SNX4: variants seen among roughly 807,000 people sequenced by gnomAD.
The protein encoded by SNX4 is sorting nexin-4.
In SNX4, 49 loss-of-function variants were observed where a neutral mutation model predicts 70.8. The observed-to-expected ratio is 0.69, with a 90% CI of 0.55 to 0.88. The LOEUF is 0.88. Among genes scored for constraint, SNX4 ranks in the 40% least tolerant of loss-of-function variants. The pLI is 0.00. For missense variants in SNX4, 528 were observed against 544.8 expected, an observed-to-expected ratio of 0.97 and a Z score of 0.31; for synonymous variants, 206 against 183.8, an observed-to-expected ratio of 1.12 and a Z score of -0.98.
intron 2 of SNX4, among the ~76,000 whole-genome samples, chr3:125,501,558 T>TG (rs1934932449): frequency 1.3e-5 from 2 of 151,670 alleles, no homozygotes; most frequent in Non-Finnish European, 1.5e-5. Flanking sequence ...AAGAGGAGGT[T>TG]GCAGTGAGTC....
intron 6 of SNX4, among the ~76,000 whole-genome samples, chr3:125,488,827 C>T (rs924049208): frequency 6.6e-6 from 1 of 152,130 alleles, no homozygotes; most frequent in African/African-American, 2.4e-5. Flanking sequence ...AGTAAAGGTC[C>T]ATATAATGTA....
intron 7 of SNX4, among the ~76,000 whole-genome samples, chr3:125,478,533 C>T (rs1934337062): frequency 6.6e-6 from 1 of 151,418 alleles, no homozygotes. Context: ...ACATATGAAT[C>T]ATGACTGCTC....
At chr3:125,456,242 T>C (rs769430003) in intron 11 of SNX4, among the ~76,000 whole-genome samples, 2 of 149,546 alleles carry the variant, frequency 1.3e-5, no homozygotes, top group Non-Finnish European at 3.0e-5. Context: ...AAAAGCTCCC[T>C]GTTAGGCGAG....
chr3:125,477,858 A>T (rs1934320491), intron 7 of SNX4, among the ~76,000 whole-genome samples: 1 of 152,130 alleles, frequency 6.6e-6, no homozygotes, highest in African/African-American at 2.4e-5. Context: ...AGCTGAATAG[A>T]TGCAACAGAA....
In SNX4 at chr3:125,520,105, G is replaced by C. The variant is rs749993977; in HGVS notation, c.68C>G (p.Pro23Arg). Residue 23 changes from proline (P) to arginine (R), a missense_variant, in exon 1 of 14, where the codon CCA (proline) becomes CGA (arginine). Physicochemically the swap from Pro to Arg is moderately radical, Grantham distance 103 (BLOSUM62 -2). Transcript: ENST00000251775. ...GACCGCAGCCCCCAGCCCAGCGTCT[G>C]GGGAGCCCAGCGGCTCCAAGGGCGC... Reference protein sequence around the residue: ...QPAPLEPLGSPDAGLGAAVGK... With the variant: ...QPAPLEPLGSRDAGLGAAVGK... The C allele has an allele frequency of 8.3e-5, 125 of 1,508,664 alleles. No individual in the cohort carries two copies. Among genetic ancestry groups the C allele is most frequent in the Admixed American group, 5.9e-4 (26 of 43,922 alleles). 93.5% of individuals were successfully genotyped at this position (1,508,664 alleles called of 1,614,324 possible).
At chr3:125,504,528 C>A in intron 2 of SNX4, 95 bp downstream of exon 2, 4 of 1,211,348 alleles carry the variant, frequency 3.3e-6, no homozygotes, top group Non-Finnish European at 4.6e-6. Context: ...AAAAAAATAA[C>A]CTTTAAAAAA....
intron 2 of SNX4, among the ~76,000 whole-genome samples, chr3:125,500,619 G>T (rs930439122): frequency 6.6e-6 from 1 of 151,708 alleles, no homozygotes; most frequent in East Asian, 1.9e-4. Flanking sequence ...GGCTAACACA[G>T]TGAAACCCCG....
chr3:125,464,330 T>A (rs951859170), intron 9 of SNX4, among the ~76,000 whole-genome samples: 1 of 152,124 alleles, frequency 6.6e-6, no homozygotes, highest in Admixed American at 6.6e-5. Context: ...AAAGTAATTT[T>A]TTCTTTTCAT....
At chr3:125,466,339 A>G (rs193122314) in intron 9 of SNX4, among the ~76,000 whole-genome samples, 1 of 150,504 alleles carries the variant, frequency 6.6e-6, no homozygotes, top group Admixed American at 6.6e-5. Flanking sequence ...ACCTATAACT[A>G]TTAACAAAAA....
intron 12 of SNX4, among the ~76,000 whole-genome samples, chr3:125,452,742 C>A (rs1360106452): frequency 6.6e-6 from 1 of 151,992 alleles, no homozygotes; most frequent in Non-Finnish European, 1.5e-5. Flanking sequence ...CTCAGCCTCC[C>A]GAGTAGCTGG....
At chr3:125,464,164 C>T in intron 9 of SNX4, among the ~76,000 whole-genome samples, 1 of 152,046 alleles carries the variant, frequency 6.6e-6, no homozygotes, top group African/African-American at 2.4e-5. Flanking sequence ...TAATCATTAC[C>T]ACCACCCACC....
chr3:125,495,127 T>A (rs1171037864), intron 5 of SNX4, among the ~76,000 whole-genome samples: 2 of 151,342 alleles, frequency 1.3e-5, no homozygotes, highest in South Asian at 2.1e-4. Context: ...CCATGTTACA[T>A]CCCCTTGAAC....
At chr3:125,494,584 A>T (rs551647752) in intron 5 of SNX4, among the ~76,000 whole-genome samples, 1 of 152,318 alleles carries the variant, frequency 6.6e-6, no homozygotes, top group Non-Finnish European at 1.5e-5. Context: ...GTTTTTGACA[A>T]TCTTTCTCAA....
chr3:125,463,457 C>G (rs1238529248), intron 9 of SNX4, among the ~76,000 whole-genome samples: 1 of 152,106 alleles, frequency 6.6e-6, no homozygotes, highest in Admixed American at 6.6e-5. Flanking sequence ...GATCTCAGTA[C>G]TCAGAATTTT....
In SNX4 at chr3:125,453,899, A is replaced by G; in HGVS notation, c.1101T>C (p.Thr367=). 6.2e-7 allele frequency: 1 copy of G among 1,613,940 alleles called. No individual in the cohort carries two copies. The highest frequency in any genetic ancestry group is 8.5e-7 in the Non-Finnish European group (1 of 1,179,934). Reference sequence around the variant, plus strand: ...TTATTCTGGCTTCTCTCTGCTCTGGAGTTTCTTGACCAAAGAGCTTGGTAG... The same window carrying G: ...TTATTCTGGCTTCTCTCTGCTCTGGGGTTTCTTGACCAAAGAGCTTGGTAG... ...GMTTKLFGQE[T]PEQREARIKV... is the part of the protein sequence containing the mutation. The change falls in exon 12 of 14, where the codon ACT becomes ACC. Residue 367 remains threonine, a synonymous_variant. Coordinates refer to ENST00000251775, the MANE Select transcript of SNX4 (RefSeq NM_003794.4).
rs551352472 is a variant in SNX4, at chr3:125,506,085, C to A, written c.142-1341G>T. On this transcript the variant is annotated intron_variant, in intron 1 of 13. Coordinates refer to ENST00000251775, the MANE Select transcript of SNX4 (RefSeq NM_003794.4). ...AGGCTGATCTTTGGCATGGAGACAG[C>A]CTACAGTAATTAAAAAATAAATAAA... Among the ~76,000 whole-genome samples the A allele has an allele frequency of 4.6e-4, 70 of 152,136 alleles. 1 individual carries two copies. In the South Asian group the frequency reaches 0.014, roughly 31 times the overall value.
chr3:125,449,900 C>T (rs1933532495), intron 13 of SNX4, among the ~76,000 whole-genome samples: 1 of 152,014 alleles, frequency 6.6e-6, no homozygotes, highest in African/African-American at 2.4e-5. Context: ...AACTAAAAAC[C>T]TTTGTTATCT....
Position 125,460,854 on chromosome 3 carries a change from T to G in SNX4, c.861A>C (p.Ala287=). The change falls in exon 10 of 14, where the codon GCA becomes GCC. Residue 287 remains alanine, a synonymous_variant. Coordinates refer to ENST00000251775, the MANE Select transcript of SNX4 (RefSeq NM_003794.4). ...CTTCCAAAATATCATCAATAGAAGA[T>G]GCATACCTGTTTTAAAAAAAAAAAC... ...QSAGHHMDVY[A]SSIDDILEDE... is the part of the protein sequence containing the mutation. The G allele has an allele frequency of 6.8e-7, 1 of 1,460,056 alleles. No individual in the cohort carries two copies. Among genetic ancestry groups the G allele is most frequent in the Non-Finnish European group, 9.4e-7 (1 of 1,069,514 alleles). The allele number at this position is 1,460,056 out of a possible 1,614,324, so 90.4% of individuals were successfully genotyped here. A position where few individuals can be genotyped will look rare whatever the true frequency, so the allele number is the denominator to read the frequency against.
chr3:125,451,160 A>C, intron 13 of SNX4, 145 bp downstream of exon 13: 1 of 448,024 alleles, frequency 2.2e-6, no homozygotes, highest in Middle Eastern at 4.2e-4. Flanking sequence ...TAAAACAGAA[A>C]TCCTACAAAA....
Sources: allele counts gnomAD v4.1 joint callset (sites outside exome capture counted in the v4.1 genomes callset), GRCh38; gene constraint gnomAD v4.1.1; transcripts MANE v1.5; gene names NCBI Gene and HGNC (gene_info 2026-07-23, HGNC 2026-07-21).